The following ENPP6 variants were observed in gnomAD, a reference collection of about 807,000 sequenced individuals.
ENPP6 encodes the protein ectonucleotide pyrophosphatase/phosphodiesterase 6, also known as glycerophosphocholine cholinephosphodiesterase ENPP6.
ENPP6 carries 32 observed loss-of-function variants against 42.0 expected under a neutral mutation model. The ratio of observed to expected loss-of-function variants is 0.76; its 90% confidence interval spans 0.58 to 1.02. ENPP6 has a LOEUF of 1.02. ENPP6 is among the 50% of genes least tolerant of loss of function. ENPP6 has a pLI of 0.00. For synonymous variants in ENPP6, 213 were observed against 216.0 expected (o/e 0.99, Z 0.12); for missense variants, 552 against 566.8 (o/e 0.97, Z 0.27).
intron 3 of ENPP6, 122 bp from the exon 4 acceptor site, chr4:184,118,022 A>G (rs929774161): frequency 3.2e-6 from 4 of 1,252,108 alleles, no homozygotes; most frequent in Non-Finnish European, 2.2e-6. Flanking sequence ...TGGGCCAGAC[A>G]AAGCCAATAC....
intron 3 of ENPP6, among the ~76,000 whole-genome samples, chr4:184,119,564 C>T (rs372139716): frequency 8.5e-4 from 129 of 152,242 alleles, no homozygotes; most frequent in African/African-American, 2.9e-3. Context: ...TAACTAACCT[C>T]GAGGCCTCAG....
At chr4:184,208,934 C>A (rs962100753) in intron 1 of ENPP6, among the ~76,000 whole-genome samples, 1 of 143,756 alleles carries the variant, frequency 7.0e-6, no homozygotes, top group Non-Finnish European at 1.5e-5. Flanking sequence ...GACCCCTGAC[C>A]CCCGAGCAGC....
At position 184,217,776 on chromosome 4, in the gene ENPP6, C is replaced by T. The variant is rs754840293; in HGVS notation, c.44G>A (p.Gly15Asp). The change falls in exon 1 of 8, where the codon GGC (glycine) becomes GAC (aspartate). Residue 15 changes from glycine to aspartate, a missense_variant. By Grantham distance (94) the Gly-to-Asp change is moderately conservative. Transcript: ENST00000296741. ...LGTLLLALAL[G>D]LAQPASARRK... The stretch of plus-strand genomic sequence containing the variant: ...GCGGGCAGAGGCTGGCTGGGCCAGG[C>T]CCAGGGCAAGGGCCAGCAGGAGGGT... 14 of 1,613,792 alleles carry T rather than the reference C, an allele frequency of 8.7e-6. No homozygotes were observed. The East Asian group carries it at 2.9e-4, about 33-fold the overall frequency.
rs906307137 is a variant in ENPP6, at chr4:184,091,369, G to A, written c.1131C>T (p.Asn377=). 2 of 1,603,202 alleles carry A rather than the reference G, an allele frequency of 1.2e-6. No homozygotes were observed. Among genetic ancestry groups the A allele is most frequent in the Non-Finnish European group, 1.7e-6 (2 of 1,174,540 alleles). The change falls in exon 8 of 8, where the codon AAC becomes AAT. Residue 377 remains asparagine (N), a synonymous_variant. Coordinates refer to ENST00000296741, the MANE Select transcript of ENPP6 (RefSeq NM_153343.4). The stretch of plus-strand genomic sequence containing the variant: ...CCGACCTGATAGGAGCAGCTCTGAA[G>A]TTGGATTTGAAATCTGAAAGGGAAA... ...FLAFGPDFKS[N]FRAAPIRSVD...
At chr4:184,180,037 G>C (rs911847750) in intron 1 of ENPP6, among the ~76,000 whole-genome samples, 1 of 152,100 alleles carries the variant, frequency 6.6e-6, no homozygotes, top group African/African-American at 2.4e-5. Context: ...AGAATGGAAG[G>C]AGATGGAGAC....
chr4:184,171,030 T>C (rs6822139), intron 1 of ENPP6, among the ~76,000 whole-genome samples: 145,202 of 152,330 alleles, frequency 0.95, 69,631 homozygotes, highest in East Asian at 1. Context: ...TTATCTGTTT[T>C]GGTGTAACTG....
chr4:184,125,518 T>C (rs1736489000), intron 2 of ENPP6, among the ~76,000 whole-genome samples: 1 of 151,204 alleles, frequency 6.6e-6, no homozygotes, highest in African/African-American at 2.4e-5. Context: ...GAGGAAGGAG[T>C]CCCTGTCAGG....
chr4:184,126,757 C>T (rs1042607417), intron 2 of ENPP6, among the ~76,000 whole-genome samples: 4 of 152,212 alleles, frequency 2.6e-5, no homozygotes, highest in Non-Finnish European at 5.9e-5. Flanking sequence ...TCATTTCTCA[C>T]CTGTGACACT....
chr4:184,208,437 G>T (rs1409633234), intron 1 of ENPP6, among the ~76,000 whole-genome samples: 2 of 152,216 alleles, frequency 1.3e-5, no homozygotes, highest in African/African-American at 4.8e-5. Context: ...GAAGCACAAG[G>T]GGTCAGGGAG....
At chr4:184,192,049 T>C (rs1732718652) in intron 1 of ENPP6, among the ~76,000 whole-genome samples, 1 of 152,184 alleles carries the variant, frequency 6.6e-6, no homozygotes, top group African/African-American at 2.4e-5. Context: ...AAGATGGCAA[T>C]ACTACCTAAG....
intron 2 of ENPP6, among the ~76,000 whole-genome samples, chr4:184,151,485 A>G (rs1031656224): frequency 5.3e-5 from 8 of 152,116 alleles, no homozygotes; most frequent in African/African-American, 1.9e-4. Context: ...TCTCCAGGAG[A>G]TCTTATGTGG....
At chr4:184,127,284 A>G (rs1736519969) in intron 2 of ENPP6, among the ~76,000 whole-genome samples, 3 of 152,200 alleles carry the variant, frequency 2.0e-5, no homozygotes, top group Non-Finnish European at 1.5e-5. Flanking sequence ...TGAAATGTCT[A>G]GAATAACCAT....
intron 1 of ENPP6, among the ~76,000 whole-genome samples, chr4:184,209,317 C>A (rs1236400007): frequency 1.4e-5 from 2 of 146,952 alleles, no homozygotes; most frequent in African/African-American, 5.0e-5. Flanking sequence ...AAACCAAAGG[C>A]AAAGAAGTTG....
At chr4:184,185,495 G>C (rs927970291) in intron 1 of ENPP6, among the ~76,000 whole-genome samples, 2 of 152,200 alleles carry the variant, frequency 1.3e-5, no homozygotes, top group East Asian at 3.8e-4. Context: ...GGGAGGAGGA[G>C]CCGTGTCCTT....
chr4:184,200,523 C>T (rs1053911511), intron 1 of ENPP6, among the ~76,000 whole-genome samples: 3 of 152,338 alleles, frequency 2.0e-5, no homozygotes, highest in South Asian at 2.1e-4. Flanking sequence ...ACATCAATTG[C>T]GCACTCACTA....
At chr4:184,166,120 C>A (rs1439945152) in intron 1 of ENPP6, among the ~76,000 whole-genome samples, 3 of 152,158 alleles carry the variant, frequency 2.0e-5, no homozygotes, top group Non-Finnish European at 4.4e-5. Flanking sequence ...TTCAAAGACA[C>A]ACTTTGGATG....
At chr4:184,116,481 T>TC (rs1397865102) in intron 5 of ENPP6, among the ~76,000 whole-genome samples, 1 of 151,916 alleles carries the variant, frequency 6.6e-6, no homozygotes, top group Non-Finnish European at 1.5e-5. Flanking sequence ...ACACCTGTAA[T>TC]CCCAGCACTT....
chr4:184,138,570 TATCTTTTTCTTAC>T (rs1269906484), intron 2 of ENPP6, among the ~76,000 whole-genome samples: 5 of 152,346 alleles, frequency 3.3e-5, no homozygotes, highest in Non-Finnish European at 5.9e-5. Context: ...GAGTGAGAGG[TATCTTTTTCTTAC>T]ATATAACAGG....
intron 1 of ENPP6, among the ~76,000 whole-genome samples, chr4:184,168,150 A>T (rs1737388190): frequency 6.6e-6 from 1 of 151,968 alleles, no homozygotes; most frequent in African/African-American, 2.4e-5. Flanking sequence ...CATCCCAGCC[A>T]CCTCACACGA....
Sources: gnomAD v4.1 joint callset for allele counts (sites outside exome capture counted in the v4.1 genomes callset) on GRCh38, gnomAD v4.1.1 for gene constraint, MANE v1.5 for transcripts, NCBI Gene and HGNC (gene_info 2026-07-23, HGNC 2026-07-21) for gene names.